The following WDR4 variants were observed in gnomAD, a reference collection of about 807,000 sequenced individuals.
The protein encoded by WDR4 is tRNA (guanine-N(7)-)-methyltransferase non-catalytic subunit WDR4.
WDR4 carries 47 observed loss-of-function variants against 48.6 expected under a neutral mutation model. The observed-to-expected ratio is 0.97, with a 90% confidence interval of 0.77 to 1.23. The LOEUF is 1.23. Ranked by LOEUF, WDR4 falls within the 50% of genes most tolerant of loss-of-function variation. The pLI, the probability that WDR4 is intolerant of heterozygous loss-of-function variation, is 0.00. For missense variants in WDR4, 606 were observed against 551.6 expected (o/e 1.10, Z -0.99); for synonymous variants, 268 against 230.0 (o/e 1.17, Z -1.49).
chr21:42,853,169 C>A lies in WDR4; in HGVS notation c.975+400G>T, dbSNP rs1338598861. The stretch of plus-strand genomic sequence containing the variant: ...GCTCAGCCTGCCGCCCTTGCCCCCT[C>A]CTCTACCCGGGGCTCCACATGCTCC... On this transcript the variant is annotated intron_variant, in intron 9 of 10. Transcript: ENST00000398208. Among the ~76,000 whole-genome samples the A allele has an allele frequency of 4.6e-5, 7 of 152,226 alleles. No individual in the cohort carries two copies. In the South Asian group the frequency reaches 1.5e-3, roughly 32 times the overall value.
chr21:42,891,650 C>T, the WDR4 span, among the ~76,000 whole-genome samples: 1 of 151,674 alleles, frequency 6.6e-6, no homozygotes, highest in Non-Finnish European at 1.5e-5. Context: ...ACAGAATGAG[C>T]CTAGTGGTGA....
downstream of WDR4, among the ~76,000 whole-genome samples, chr21:42,845,494 T>C (rs374547643): frequency 1.4e-4 from 22 of 152,280 alleles, 1 homozygote; most frequent in South Asian, 2.1e-3. Flanking sequence ...AGTGCCCTCG[T>C]GAGCTTGCGG....
chr21:42,891,391 A>G, the WDR4 span, among the ~76,000 whole-genome samples: 16 of 151,616 alleles, frequency 1.1e-4, no homozygotes, highest in East Asian at 3.9e-4. Flanking sequence ...ACCTTTACCA[A>G]CCTGGCCGGT....
Position 42,873,430 on chromosome 21 carries a change from C to A in WDR4, c.296+121G>T, listed in dbSNP as rs574061866. 7.1e-6 allele frequency: 10 copies of A among 1,407,440 alleles called. No homozygotes were observed. The African/African-American group carries it at 1.4e-4, about 20-fold the overall frequency. The allele number at this position is 1,407,440 out of a possible 1,614,324, so 87.2% of individuals were successfully genotyped here. On this transcript the variant is annotated intron_variant, in intron 3 of 10. Transcript: ENST00000398208. ...ACTGAAAGTGGTGTCTGGCACTGAA[C>A]TGCGGCTCCGTGTCAACCACTTATC...
chr21:42,868,425 G>C (rs2058297490), intron 3 of WDR4, among the ~76,000 whole-genome samples: 1 of 152,136 alleles, frequency 6.6e-6, no homozygotes, highest in Non-Finnish European at 1.5e-5. Flanking sequence ...GAAAGAGTCA[G>C]CGTCTTCAAG....
chr21:42,861,084 G>T (rs2058102886), intron 5 of WDR4, among the ~76,000 whole-genome samples: 1 of 152,062 alleles, frequency 6.6e-6, no homozygotes. Flanking sequence ...GGCCGAGGCG[G>T]GCGAATCATG....
At chr21:42,874,787 A>G (rs573493189) in intron 2 of WDR4, among the ~76,000 whole-genome samples, 1 of 152,250 alleles carries the variant, frequency 6.6e-6, no homozygotes, top group African/African-American at 2.4e-5. Flanking sequence ...GTTATCAATG[A>G]CAGTGGTGCC....
At chr21:42,859,752 A>G (rs201451954) in intron 5 of WDR4, 30 bp from the exon 6 acceptor site, 2 of 1,552,236 alleles carry the variant, frequency 1.3e-6, no homozygotes, top group East Asian at 2.4e-5. Flanking sequence ...CGGCAGAGTC[A>G]GCGAGCCCAG....
In WDR4 at chr21:42,854,607, A is replaced by G; in HGVS notation, c.746T>C (p.Ile249Thr). 1.9e-6 allele frequency: 3 copies of G among 1,613,816 alleles called. No individual in the cohort carries two copies. The highest frequency in any genetic ancestry group is 2.5e-6 in the Non-Finnish European group (3 of 1,179,932). Residue 249 changes from isoleucine to threonine, a missense_variant, in exon 8 of 11, where the codon ATT becomes ACT. Transcript: ENST00000398208. The part of the protein sequence containing the change: ...QAPQKFAASR[I>T]AFWCQENCVA... ...GCAGTTCTCCTGGCACCAGAATGCA[A>G]TCCTGGACGCGGCAAACTTCTAAAA...
At chr21:42,891,409 C>T in the WDR4 span, among the ~76,000 whole-genome samples, 1 of 151,918 alleles carries the variant, frequency 6.6e-6, no homozygotes, top group African/African-American at 2.4e-5. Flanking sequence ...GGTGACCACG[C>T]CAGAGGAGGT....
At chr21:42,856,379 G>C (rs466182) in intron 6 of WDR4, among the ~76,000 whole-genome samples, 7,753 of 152,124 alleles carry the variant, frequency 0.051, 252 homozygotes, top group South Asian at 0.09. Context: ...TTTTTTCTTG[G>C]TTTTATCTGT....
At chr21:42,879,702 T>G (rs1465295415), upstream of WDR4, 1 of 573,314 alleles carries the variant, frequency 1.7e-6, no homozygotes, top group Non-Finnish European at 3.1e-6. Context: ...TGTTTCGGGT[T>G]TGGCAGTTCA....
chr21:42,844,169 A>G (rs1487450318), intron 11 of WDR4, among the ~76,000 whole-genome samples: 3 of 152,328 alleles, frequency 2.0e-5, no homozygotes, highest in East Asian at 3.9e-4. Context: ...TCACGGACCC[A>G]TGAGTCCACA....
Position 42,862,454 on chromosome 21 carries a change from C to T in WDR4, c.454-60G>A. ...TCACCTGAGTCTTCCCGAATCAAGTCCCTCATGGAAGAAGGCAGGGAAGCT... is the reference window on the plus strand; with the variant it reads ...TCACCTGAGTCTTCCCGAATCAAGTTCCTCATGGAAGAAGGCAGGGAAGCT... On this transcript the variant is annotated intron_variant, in intron 4 of 10. Coordinates refer to ENST00000398208, the MANE Select transcript of WDR4 (RefSeq NM_018669.6). The surrounding 1 kb of genome is among the most constrained non-coding windows in gnomAD (Gnocchi z 4.3). 1 of 1,476,150 alleles carries T rather than the reference C, an allele frequency of 6.8e-7. No homozygotes were observed. Among genetic ancestry groups the T allele is most frequent in the South Asian group, 1.2e-5 (1 of 82,442 alleles). The allele number at this position is 1,476,150 out of a possible 1,614,324, so 91.4% of individuals were successfully genotyped here.
rs1305618716 is a variant in WDR4 at position 42,849,382 on chromosome 21, C to T, written c.*667G>A. The T allele has an allele frequency of 6.6e-6, 1 of 152,286 alleles. No individual in the cohort carries two copies. The highest frequency in any genetic ancestry group is 2.4e-5 in the African/African-American group (1 of 41,438). The allele number at this position is 152,286 out of a possible 1,614,324, so 9.4% of individuals were successfully genotyped here. ...TCATAACGACGTCCTCAATCACCTC[C>T]CTGTAAACCGGGTGCCAGCCAGGCC... On this transcript the variant is annotated 3_prime_UTR_variant, in exon 11 of 11. Coordinates refer to ENST00000398208, the MANE Select transcript of WDR4 (RefSeq NM_018669.6).
intron 3 of WDR4, among the ~76,000 whole-genome samples, chr21:42,871,648 G>C (rs771653058): frequency 1.3e-5 from 2 of 152,222 alleles, no homozygotes; most frequent in Non-Finnish European, 2.9e-5. Context: ...ACTCAGACAT[G>C]TAGGGACATG....
At chr21:42,888,120 C>T in the WDR4 span, among the ~76,000 whole-genome samples, 1 of 151,966 alleles carries the variant, frequency 6.6e-6, no homozygotes, top group African/African-American at 2.4e-5. Context: ...TATTTCATTC[C>T]TACAAAAAAT....
chr21:42,882,592 G>C (rs2058616419), upstream of WDR4, among the ~76,000 whole-genome samples: 3 of 151,948 alleles, frequency 2.0e-5, no homozygotes, highest in African/African-American at 4.8e-5. Flanking sequence ...CTTATGGATT[G>C]TTGTGTTGTA....
At chr21:42,848,438 G>GCGGCGCGCACCTCACA (rs2057732514), downstream of WDR4, among the ~76,000 whole-genome samples, 11 of 108,052 alleles carry the variant, frequency 1.0e-4, no homozygotes, top group Admixed American at 1.1e-3. Context: ...GCACAATCAC[G>GCGGCGCGCACCTCACA]CGGCGCGCAC....
Sources: allele counts gnomAD v4.1 joint callset (sites outside exome capture counted in the v4.1 genomes callset), GRCh38; gene constraint gnomAD v4.1.1; non-coding constraint Gnocchi (gnomAD v3.1); transcripts MANE v1.5; gene names NCBI Gene and HGNC (gene_info 2026-07-23, HGNC 2026-07-21).